GNAI1: variants seen among roughly 807,000 people sequenced by gnomAD.
The protein encoded by GNAI1 is guanine nucleotide-binding protein G(i) subunit alpha-1.
Under a neutral mutation model 38.9 loss-of-function variants are expected in GNAI1, and 11 were observed. The observed-to-expected ratio is 0.28, with a 90% CI of 0.18 to 0.47. The LOEUF (loss-of-function observed/expected upper bound fraction) is 0.47. GNAI1 is among the 20% of genes least tolerant of loss of function. The pLI, the probability that GNAI1 is intolerant of heterozygous loss-of-function variation, is 0.99. For missense variants in GNAI1, 317 were observed against 436.9 expected (o/e 0.73, Z 2.45); for synonymous variants, 166 against 145.1 (o/e 1.14, Z -1.04).
intron 1 of GNAI1, among the ~76,000 whole-genome samples, chr7:80,164,019 C>T (rs1042541384): frequency 1.0e-5 from 1 of 97,094 alleles, no homozygotes; most frequent in African/African-American, 3.9e-5. Flanking sequence ...CACCAGGCTT[C>T]TTTGTCAAAC....
At position 80,223,613 on chromosome 7, in the gene GNAI1, G is replaced by C. The variant is rs551791067; in HGVS notation, c.*6120G>C. On this transcript the variant is annotated 3_prime_UTR_variant, in exon 8 of 8. Transcript: ENST00000649796. ...TGAGGTATCAATTTTGTAGCTTGTG[G>C]AATGCGGACTATCCCAGCAGCAAAT... Among the ~76,000 whole-genome samples, 180 of 152,260 alleles carry C rather than the reference G, an allele frequency of 1.2e-3. No homozygotes were observed. Among genetic ancestry groups the C allele is most frequent in the Middle Eastern group, 3.4e-3 (1 of 294 alleles).
chr7:80,171,701 A>G (rs1240074696), intron 1 of GNAI1, among the ~76,000 whole-genome samples: 1 of 152,130 alleles, frequency 6.6e-6, no homozygotes, highest in Non-Finnish European at 1.5e-5. Flanking sequence ...CCGGAACCAA[A>G]TTTGCTTCTG....
In GNAI1 at chr7:80,204,148, G is replaced by T. The variant is rs191691404; in HGVS notation, c.590+316G>T. ...TCTGCTCTAATATACTGTGTTTTCG[G>T]AAAGTGTTGCCATCTATTTTTAGGT... is the stretch of plus-strand genomic sequence containing the variant. On this transcript the variant is annotated intron_variant, in intron 5 of 7. Coordinates refer to ENST00000649796, the MANE Select transcript of GNAI1 (RefSeq NM_002069.6). Among the ~76,000 whole-genome samples the T allele has an allele frequency of 1.5e-3, 227 of 152,068 alleles. 5 individuals are homozygous for T. The East Asian group carries it at 0.04, about 27-fold the overall frequency.
In GNAI1 at chr7:80,221,636, C is replaced by CT. The variant is rs71518978; in HGVS notation, c.*4168dup. Among the ~76,000 whole-genome samples the CT allele has an allele frequency of 0.32, 28,239 of 89,628 alleles. 4,822 individuals carry two copies. The highest frequency in any genetic ancestry group is 0.42 in the East Asian group (1,013 of 2,410). 58.8% of individuals were successfully genotyped at this position (89,628 alleles called of 152,430 possible). ...ATTTTAATGTTAGGTTGGAAATTTT[C>CT]TTTTTTTTTTTTTTTTTTTTTTTTT... On this transcript the variant is annotated 3_prime_UTR_variant, in exon 8 of 8. Coordinates refer to ENST00000649796, the MANE Select transcript of GNAI1 (RefSeq NM_002069.6).
intron 3 of GNAI1, among the ~76,000 whole-genome samples, chr7:80,195,730 A>G (rs924032156): frequency 6.6e-6 from 1 of 151,628 alleles, no homozygotes; most frequent in Non-Finnish European, 1.5e-5. Context: ...TTAAATTTAA[A>G]CTCTTAATCT....
chr7:80,177,874 G>T lies in GNAI1; in HGVS notation c.119-11077G>T, dbSNP rs571351352. On this transcript the variant is annotated intron_variant, in intron 1 of 7. Transcript: ENST00000649796. ...TGTTATTATGTGAGAAACACATTTT[G>T]TGAGGCTATAGCTGCCATTAGATAG... is the stretch of plus-strand genomic sequence containing the variant. 1.1e-4 allele frequency among the ~76,000 whole-genome samples: 17 copies of T among 152,298 alleles called. No homozygotes were observed. The East Asian group carries it at 3.3e-3, about 29-fold the overall frequency.
At chr7:80,164,044 T>C (rs1414201804) in intron 1 of GNAI1, among the ~76,000 whole-genome samples, 5 of 143,900 alleles carry the variant, frequency 3.5e-5, no homozygotes, top group Non-Finnish European at 7.6e-5. Context: ...GCTTTCTTTT[T>C]TTTTTTTTTT....
At chr7:80,150,848 T>C (rs1276432056) in intron 1 of GNAI1, among the ~76,000 whole-genome samples, 6 of 152,206 alleles carry the variant, frequency 3.9e-5, no homozygotes. Context: ...TGTCCATCCA[T>C]CATCCGCCGT....
chr7:80,195,161 A>G (rs1400140458), intron 3 of GNAI1, among the ~76,000 whole-genome samples: 1 of 151,780 alleles, frequency 6.6e-6, no homozygotes, highest in Non-Finnish European at 1.5e-5. Flanking sequence ...CATTTTACCA[A>G]TTTGAAAAAA....
In GNAI1 at chr7:80,219,027, T is replaced by TTTTGTGTG. The variant is rs1554353980; in HGVS notation, c.*1535_*1536insTTGTGTGT. The stretch of plus-strand genomic sequence containing the variant: ...GTGTTGTCACTGGGTTGAAGTATAT[T>TTTTGTGTG]TGTGTGTGTGTGTGTGTGTGTGTGT... On this transcript the variant is annotated 3_prime_UTR_variant, in exon 8 of 8. Coordinates refer to ENST00000649796, the MANE Select transcript of GNAI1 (RefSeq NM_002069.6). The TTTTGTGTG allele has an allele frequency of 3.4e-5, 5 of 145,836 alleles. No individual in the cohort carries two copies. The highest frequency in any genetic ancestry group is 7.5e-5 in the Non-Finnish European group (5 of 66,634). The allele number at this position is 145,836 out of a possible 1,614,324, so 9.0% of individuals were successfully genotyped here. A position where few individuals can be genotyped will look rare whatever the true frequency, so the allele number is the denominator to read the frequency against.
chr7:80,197,501 C>T (rs1171814149), intron 3 of GNAI1, among the ~76,000 whole-genome samples: 1 of 151,692 alleles, frequency 6.6e-6, no homozygotes, highest in Non-Finnish European at 1.5e-5. Flanking sequence ...CCTACTTAAG[C>T]GAAGAGTACT....
At chr7:80,206,519 T>TA (rs1185888952) in intron 5 of GNAI1, among the ~76,000 whole-genome samples, 2 of 152,066 alleles carry the variant, frequency 1.3e-5, no homozygotes, top group Non-Finnish European at 2.9e-5. Flanking sequence ...ATTGTCATTT[T>TA]ATCTTAAAAC....
At chr7:80,192,911 C>T (rs1327429689) in intron 3 of GNAI1, among the ~76,000 whole-genome samples, 1 of 151,968 alleles carries the variant, frequency 6.6e-6, no homozygotes, top group Admixed American at 6.6e-5. Flanking sequence ...GTTGGCCAGG[C>T]TGGTCTCGAT....
At chr7:80,142,762 C>G (rs540890739) in intron 1 of GNAI1, among the ~76,000 whole-genome samples, 1 of 152,232 alleles carries the variant, frequency 6.6e-6, no homozygotes, top group South Asian at 2.1e-4. Flanking sequence ...TAATGAAAAC[C>G]TACTACATTA....
intron 4 of GNAI1, among the ~76,000 whole-genome samples, chr7:80,201,479 G>A (rs964382857): frequency 3.3e-5 from 5 of 152,140 alleles, no homozygotes; most frequent in African/African-American, 1.2e-4. Context: ...AGCATTTTGG[G>A]AGGCTGAGGT....
At chr7:80,135,567 G>A (rs1460566087) in intron 1 of GNAI1, 8 of 362,790 alleles carry the variant, frequency 2.2e-5, no homozygotes, top group African/African-American at 1.5e-4. Context: ...CGAGGCGGCG[G>A]GTCGCGTGGA....
chr7:80,193,531 A>ATAC (rs1788516705), intron 3 of GNAI1, among the ~76,000 whole-genome samples: 1 of 152,168 alleles, frequency 6.6e-6, no homozygotes, highest in Non-Finnish European at 1.5e-5. Flanking sequence ...TAATATATTG[A>ATAC]TAATTTAGGT....
intron 1 of GNAI1, among the ~76,000 whole-genome samples, chr7:80,140,194 C>T (rs1437622049): frequency 6.6e-6 from 1 of 152,074 alleles, no homozygotes. Context: ...CCGTGTTAGC[C>T]CGAGTGGTGT....
chr7:80,165,223 A>G (rs966049469), intron 1 of GNAI1, among the ~76,000 whole-genome samples: 11 of 152,144 alleles, frequency 7.2e-5, no homozygotes, highest in African/African-American at 2.4e-4. Context: ...AATAACATCA[A>G]TTTTCATCTC....
Sources: allele counts gnomAD v4.1 joint callset (sites outside exome capture counted in the v4.1 genomes callset), GRCh38; gene constraint gnomAD v4.1.1; transcripts MANE v1.5; gene names NCBI Gene and HGNC (gene_info 2026-07-23, HGNC 2026-07-21).